The following RFC3 variants were observed in gnomAD, a reference collection of about 807,000 sequenced individuals.
The protein encoded by RFC3 is A1 38 kDa subunit.
RFC3 carries 41 observed loss-of-function variants against 45.1 expected under a neutral mutation model. The ratio of observed to expected loss-of-function variants is 0.91; its 90% CI spans 0.71 to 1.18. RFC3 has a LOEUF of 1.18. Ranked by LOEUF, RFC3 falls within the 50% of genes most tolerant of loss-of-function variation. The pLI, the probability that RFC3 is intolerant of heterozygous loss-of-function variation, is 0.00. For synonymous variants in RFC3, 149 were observed against 144.0 expected (o/e 1.03, Z -0.25); for missense variants, 423 against 428.1 (o/e 0.99, Z 0.10).
At chr13:33,872,819 C>T (rs1278052743) in intron 8 of RFC3, among the ~76,000 whole-genome samples, 1 of 117,664 alleles carries the variant, frequency 8.5e-6, no homozygotes, top group Non-Finnish European at 1.7e-5. Flanking sequence ...ACATGGTAGG[C>T]ACTCAGTAAA....
At chr13:33,872,818 G>C (rs891721447) in intron 8 of RFC3, among the ~76,000 whole-genome samples, 3 of 127,930 alleles carry the variant, frequency 2.3e-5, no homozygotes, top group Admixed American at 8.6e-5. Flanking sequence ...TACATGGTAG[G>C]CACTCAGTAA....
In RFC3 at chr13:33,960,259, A is replaced by G. The variant is rs148941846; in HGVS notation, c.880-5828A>G. Reference sequence around the variant, plus strand: ...CAAAAAACAAAAATCAAGTGATGGTATTGAAAGGGCACTCAATCAGAAGAT... The same window carrying G: ...CAAAAAACAAAAATCAAGTGATGGTGTTGAAAGGGCACTCAATCAGAAGAT... On this transcript the variant is annotated intron_variant, in intron 8 of 8. Transcript: ENST00000434425. Among the ~76,000 whole-genome samples, 445 of 152,270 alleles carry G rather than the reference A, an allele frequency of 2.9e-3. 6 individuals carry two copies. The highest frequency in any genetic ancestry group is 0.01 in the African/African-American group (416 of 41,570).
At chr13:33,854,952 T>C (rs1427549490) in intron 8 of RFC3, among the ~76,000 whole-genome samples, 1 of 97,258 alleles carries the variant, frequency 1.0e-5, no homozygotes, top group Non-Finnish European at 2.6e-5. Context: ...TAAGTCATCC[T>C]GATTTCCCCA....
chr13:33,835,699 GAT>G (rs978467468), intron 8 of RFC3, among the ~76,000 whole-genome samples: 6 of 152,130 alleles, frequency 3.9e-5, no homozygotes, highest in Non-Finnish European at 7.4e-5. Context: ...CATATGTATA[GAT>G]TTACTTCGTT....
In RFC3 at chr13:33,860,498, C is replaced by T. The variant is rs2137534172; in HGVS notation, c.879+25281C>T. 1.3e-5 allele frequency among the ~76,000 whole-genome samples: 2 copies of T among 152,268 alleles called. 1 individual carries two copies. The highest frequency in any genetic ancestry group is 4.2e-4 in the South Asian group (2 of 4,818). The stretch of plus-strand genomic sequence containing the variant: ...CAGAGGAGGCATTCCCAGTTGCCTC[C>T]AATGTGCATCCTGTGACTTGGACCC... On this transcript the variant is annotated intron_variant, in intron 8 of 8. Transcript: ENST00000434425.
chr13:33,843,731 A>ATAT (rs1227601484), intron 8 of RFC3, among the ~76,000 whole-genome samples: 2 of 152,184 alleles, frequency 1.3e-5, no homozygotes, highest in East Asian at 3.8e-4. Context: ...TGCCACTCTA[A>ATAT]TAAATTCACA....
Position 33,919,475 on chromosome 13 carries a change from C to T in RFC3, c.880-46612C>T, listed in dbSNP as rs775583288. 3.5e-4 allele frequency among the ~76,000 whole-genome samples: 53 copies of T among 151,838 alleles called. 1 individual carries two copies. The highest frequency in any genetic ancestry group is 1.0e-4 in the Non-Finnish European group (7 of 67,958). ...GACATTTACTCTAAGTTAAGATGCT[C>T]GATAAATCTGTTACACCAATTATAT... On this transcript the variant is annotated intron_variant, in intron 8 of 8. Coordinates refer to the RFC3 transcript ENST00000434425.
At chr13:33,909,087 T>C (rs1329566811) in intron 8 of RFC3, among the ~76,000 whole-genome samples, 1 of 152,088 alleles carries the variant, frequency 6.6e-6, no homozygotes, top group Non-Finnish European at 1.5e-5. Context: ...AGTTAACATA[T>C]AAAATTAACC....
At chr13:33,913,549 C>T (rs774806279) in intron 8 of RFC3, among the ~76,000 whole-genome samples, 1 of 152,154 alleles carries the variant, frequency 6.6e-6, no homozygotes, top group Non-Finnish European at 1.5e-5. Flanking sequence ...ACTCCCATTT[C>T]TGTCCCTTTC....
At chr13:33,890,757 GA>G (rs1283441532) in intron 8 of RFC3, among the ~76,000 whole-genome samples, 2 of 152,124 alleles carry the variant, frequency 1.3e-5, no homozygotes, top group Admixed American at 1.3e-4. Context: ...TATTGATGAT[GA>G]ACATTGGCTC....
chr13:33,832,175 A>G (rs1033236874), intron 7 of RFC3, among the ~76,000 whole-genome samples: 1 of 152,180 alleles, frequency 6.6e-6, no homozygotes, highest in East Asian at 1.9e-4. Context: ...AGGCCCACTA[A>G]CTTTGGAGAG....
chr13:33,871,082 T>C (rs545555667), intron 8 of RFC3, among the ~76,000 whole-genome samples: 1 of 152,332 alleles, frequency 6.6e-6, no homozygotes, highest in East Asian at 1.9e-4. Flanking sequence ...GTGTGACTTA[T>C]TTAAAATCAC....
chr13:33,848,914 G>GA (rs1213538715), intron 8 of RFC3: 1 of 152,156 alleles, frequency 6.6e-6, no homozygotes, highest in African/African-American at 2.4e-5. Context: ...CATTTGTTCA[G>GA]AAAAATATTT....
At position 33,836,578 on chromosome 13, in the gene RFC3, A is replaced by T; in HGVS notation, c.*283A>T. 9.2e-7 allele frequency: 1 copy of T among 1,086,600 alleles called. No homozygotes were observed. Among genetic ancestry groups the T allele is most frequent in the Non-Finnish European group, 1.1e-6 (1 of 892,208 alleles). 67.3% of individuals were successfully genotyped at this position (1,086,600 alleles called of 1,614,324 possible). On this transcript the variant is annotated 3_prime_UTR_variant, in exon 9 of 9. Transcript: ENST00000380071. ...TCAAGTATTCATTGTTGATCCTCCT[A>T]TTCTCTTCCGTCTAATCTCTCACCT...
intron 1 of RFC3, among the ~76,000 whole-genome samples, chr13:33,818,598 A>G (rs2081970688): frequency 6.6e-6 from 1 of 152,256 alleles, no homozygotes; most frequent in African/African-American, 2.4e-5. Context: ...TAAGAACCTC[A>G]GGAGGCCGGC....
intron 8 of RFC3, among the ~76,000 whole-genome samples, chr13:33,925,786 CTA>C (rs972823654): frequency 4.0e-5 from 6 of 151,636 alleles, no homozygotes; most frequent in Admixed American, 6.6e-5. Context: ...AAGAAAGAGA[CTA>C]TGGAATGAAC....
At chr13:33,888,519 A>G (rs563251085) in intron 8 of RFC3, among the ~76,000 whole-genome samples, 17 of 152,298 alleles carry the variant, frequency 1.1e-4, no homozygotes, top group Admixed American at 7.2e-4. Flanking sequence ...ATGCTGCGTT[A>G]CTCTATGGAT....
intron 8 of RFC3, among the ~76,000 whole-genome samples, chr13:33,962,578 A>G (rs1019977695): frequency 6.6e-6 from 1 of 152,206 alleles, no homozygotes; most frequent in African/African-American, 2.4e-5. Flanking sequence ...CCAAATATTT[A>G]TGTTCACTGA....
rs1325692783 is a variant in RFC3, at chr13:33,926,188, T to C, written c.880-39899T>C. ...ACACATGGACACAGGAAGGGGAACA[T>C]CACACTCTGGGGACTGTTGTGGGGT... On this transcript the variant is annotated intron_variant, in intron 8 of 8. Transcript: ENST00000434425. Among the ~76,000 whole-genome samples, 3 of 121,264 alleles carry C rather than the reference T, an allele frequency of 2.5e-5. No homozygotes were observed. In the Admixed American group the frequency reaches 3.4e-4, roughly 14 times the overall value. 79.6% of individuals were successfully genotyped at this position (121,264 alleles called of 152,430 possible). A position where few individuals can be genotyped will look rare whatever the true frequency, so the allele number is the denominator to read the frequency against.
Sources: gnomAD v4.1 joint callset for allele counts (sites outside exome capture counted in the v4.1 genomes callset) on GRCh38, gnomAD v4.1.1 for gene constraint, MANE v1.5 for transcripts, NCBI Gene and HGNC (gene_info 2026-07-23, HGNC 2026-07-21) for gene names.